The following ORC5 variants were observed in gnomAD, a reference collection of about 807,000 sequenced individuals.
ORC5 encodes protein phosphatase 1, regulatory subunit 117.
In ORC5, 39 loss-of-function variants were observed where a neutral mutation model predicts 58.8. The observed-to-expected ratio is 0.66, with a 90% CI of 0.51 to 0.87. The LOEUF (loss-of-function observed/expected upper bound fraction) is 0.87. ORC5 is among the 40% of genes least tolerant of loss of function. ORC5 has a pLI of 0.00. For missense variants in ORC5, 493 were observed against 506.3 expected, an observed-to-expected ratio of 0.97 and a Z score of 0.25; for synonymous variants, 218 against 177.6, an observed-to-expected ratio of 1.23 and a Z score of -1.81.
chr7:104,193,784 G>C (rs1799732143), intron 5 of ORC5, among the ~76,000 whole-genome samples: 1 of 149,650 alleles, frequency 6.7e-6, no homozygotes, highest in Admixed American at 6.7e-5. Context: ...ATTTAACTTG[G>C]CTCCATTATT....
intron 13 of ORC5, among the ~76,000 whole-genome samples, chr7:104,128,172 G>A (rs1798457928): frequency 6.6e-6 from 1 of 152,182 alleles, no homozygotes. Flanking sequence ...GCCCAGGCTG[G>A]AGTGCAATAG....
At chr7:104,193,662 T>G (rs1312411858) in intron 5 of ORC5, among the ~76,000 whole-genome samples, 1 of 151,714 alleles carries the variant, frequency 6.6e-6, no homozygotes, top group Non-Finnish European at 1.5e-5. Context: ...TAATTTCAAC[T>G]TATCAATTAA....
At chr7:104,155,223 T>A (rs1303156963) in intron 12 of ORC5, among the ~76,000 whole-genome samples, 1 of 151,768 alleles carries the variant, frequency 6.6e-6, no homozygotes. Context: ...CATGAGTTCA[T>A]AAGCAGAGAA....
intron 12 of ORC5, among the ~76,000 whole-genome samples, chr7:104,139,133 T>C (rs1798634371): frequency 6.6e-6 from 1 of 152,150 alleles, no homozygotes; most frequent in African/African-American, 2.4e-5. Flanking sequence ...TGAATAAGAG[T>C]TTTAAGTTAA....
chr7:104,175,215 A>G (rs1364493002), intron 8 of ORC5, among the ~76,000 whole-genome samples: 1 of 152,208 alleles, frequency 6.6e-6, no homozygotes, highest in African/African-American at 2.4e-5. Flanking sequence ...TGGTAACAAA[A>G]TGACATCAAG....
chr7:104,165,591 A>G, intron 10 of ORC5: 1 of 208,324 alleles, frequency 4.8e-6, no homozygotes, highest in South Asian at 1.1e-4. Context: ...TATAAAAATG[A>G]AACTTCCAGA....
Position 104,207,986 on chromosome 7 carries a change from G to A in ORC5, c.-82C>T, listed in dbSNP as rs1222733151. On this transcript the variant is annotated 5_prime_UTR_variant, in exon 1 of 14. Coordinates refer to ENST00000297431, the MANE Select transcript of ORC5 (RefSeq NM_002553.4). ...GACGGAGCCTCTCCCGAGTCTGGCG[G>A]CCCACGCTCCCGCCGGAAACCGGAC... 6 of 1,354,330 alleles carry A rather than the reference G, an allele frequency of 4.4e-6. No homozygotes were observed. Among genetic ancestry groups the A allele is most frequent in the Admixed American group, 1.8e-5 (1 of 55,220 alleles). 83.9% of individuals were successfully genotyped at this position (1,354,330 alleles called of 1,614,324 possible).
intron 8 of ORC5, 84 bp downstream of exon 8, chr7:104,183,858 TC>T: frequency 1.1e-6 from 1 of 877,124 alleles, no homozygotes; most frequent in Non-Finnish European, 1.8e-6. Context: ...TCTTTTAGAG[TC>T]CCTCTCTCTG....
intron 12 of ORC5, among the ~76,000 whole-genome samples, chr7:104,150,017 A>G (rs897513155): frequency 1.2e-4 from 19 of 152,112 alleles, no homozygotes; most frequent in Admixed American, 6.5e-4. Context: ...CTGATTATTT[A>G]TGTTGTAACA....
At chr7:104,161,263 A>G (rs1799017611) in intron 11 of ORC5, 81 bp from the exon 12 acceptor site, 1 of 753,166 alleles carries the variant, frequency 1.3e-6, no homozygotes, top group African/African-American at 1.8e-5. Context: ...TGCCAGTAAC[A>G]ATGTATTTTT....
Position 104,133,914 on chromosome 7 carries a change from G to A in ORC5, c.1262+2867C>T, listed in dbSNP as rs1798550265. The stretch of plus-strand genomic sequence containing the variant: ...CAGCCGAGACTAACAAAGGTTCTGG[G>A]AAAGTGGAGGAGATGGAATTCAGAG... On this transcript the variant is annotated intron_variant, in intron 13 of 13. Coordinates refer to ENST00000297431, the MANE Select transcript of ORC5 (RefSeq NM_002553.4). The surrounding 1 kb of genome is among the most constrained non-coding windows in gnomAD (Gnocchi z 4.7). 6.6e-6 allele frequency among the ~76,000 whole-genome samples: 1 copy of A among 152,094 alleles called. No individual in the cohort carries two copies. The highest frequency in any genetic ancestry group is 6.6e-5 in the Admixed American group (1 of 15,266).
At chr7:104,176,839 C>T (rs995764612) in intron 8 of ORC5, among the ~76,000 whole-genome samples, 7 of 152,030 alleles carry the variant, frequency 4.6e-5, no homozygotes, top group South Asian at 4.2e-4. Flanking sequence ...ATTTATGGGC[C>T]GGGCAGTTTT....
intron 2 of ORC5, among the ~76,000 whole-genome samples, chr7:104,203,451 T>C (rs776167479): frequency 2.6e-4 from 40 of 152,218 alleles, no homozygotes; most frequent in Non-Finnish European, 4.4e-4. Flanking sequence ...GTTTAGGATA[T>C]GAAAGGGAGT....
At chr7:104,196,928 A>C (rs911358160) in intron 4 of ORC5, among the ~76,000 whole-genome samples, 8 of 152,068 alleles carry the variant, frequency 5.3e-5, no homozygotes, top group African/African-American at 1.9e-4. Context: ...AACCACAGCT[A>C]TTTCCCTCAC....
chr7:104,166,350 T>C lies in ORC5; in HGVS notation c.990+422A>G, dbSNP rs114923338. On this transcript the variant is annotated intron_variant, in intron 10 of 13. Transcript: ENST00000297431. ...GAAAAAGTCTAAAGTGACAAGAACA[T>C]AGTGGGTAAAGAAGAAGAAAAAAAC... Among the ~76,000 whole-genome samples the C allele has an allele frequency of 2.6e-3, 393 of 152,152 alleles. 2 individuals are homozygous for C. Among genetic ancestry groups the C allele is most frequent in the African/African-American group, 9.1e-3 (378 of 41,518 alleles).
chr7:104,140,050 C>A (rs1266268214), intron 12 of ORC5, among the ~76,000 whole-genome samples: 1 of 152,002 alleles, frequency 6.6e-6, no homozygotes, highest in African/African-American at 2.4e-5. Flanking sequence ...AATGTCTTAG[C>A]TTACAGTGTA....
At chr7:104,204,478 TA>T (rs1271209683) in intron 1 of ORC5, among the ~76,000 whole-genome samples, 2 of 152,246 alleles carry the variant, frequency 1.3e-5, no homozygotes, top group Non-Finnish European at 2.9e-5. Context: ...TATATATTTA[TA>T]TTTTTATTAT....
chr7:104,190,274 T>C (rs1799645039), intron 5 of ORC5, among the ~76,000 whole-genome samples: 1 of 152,098 alleles, frequency 6.6e-6, no homozygotes, highest in Non-Finnish European at 1.5e-5. Flanking sequence ...CTAGTTTATT[T>C]TTCTTCCTAT....
chr7:104,180,954 T>C (rs1210180958), intron 8 of ORC5, among the ~76,000 whole-genome samples: 1 of 152,220 alleles, frequency 6.6e-6, no homozygotes, highest in African/African-American at 2.4e-5. Flanking sequence ...CTGATTTTTA[T>C]CTAAAAGCAT....
Sources: allele counts gnomAD v4.1 joint callset (sites outside exome capture counted in the v4.1 genomes callset), GRCh38; gene constraint gnomAD v4.1.1; non-coding constraint Gnocchi (gnomAD v3.1); transcripts MANE v1.5; gene names NCBI Gene and HGNC (gene_info 2026-07-23, HGNC 2026-07-21).